The following ANKRD26 variants were observed in gnomAD, a reference collection of about 807,000 sequenced individuals.
The protein encoded by ANKRD26 is ankyrin repeat domain 26.
Under a neutral mutation model 208.7 loss-of-function variants are expected in ANKRD26, and 141 were observed. The ratio of observed to expected loss-of-function variants is 0.68; its 90% CI spans 0.59 to 0.78. The LOEUF (loss-of-function observed/expected upper bound fraction) is 0.78. Ranked by LOEUF, ANKRD26 falls within the 30% of genes least tolerant of loss-of-function variation. The probability of loss-of-function intolerance (pLI) is 0.00; values close to 1 mark genes in which losing one functional copy is unlikely to be tolerated. For synonymous variants in ANKRD26, 636 were observed against 660.4 expected (o/e 0.96, Z 0.57); for missense variants, 1,889 against 1,938.7 (o/e 0.97, Z 0.48).
chr10:27,006,896 T>C (rs1482730693), intron 33 of ANKRD26, 21 bp downstream of exon 33: 1 of 1,574,682 alleles, frequency 6.4e-7, no homozygotes, highest in Non-Finnish European at 8.7e-7. Context: ...TAAATTTAAT[T>C]CATGAAGTTT....
the ANKRD26 span, among the ~76,000 whole-genome samples, chr10:26,949,075 T>G: frequency 6.6e-6 from 1 of 152,170 alleles, no homozygotes. Context: ...GTATTTAGTT[T>G]TATTATGCTC....
At chr10:27,094,007 C>A (rs1428184734) in intron 1 of ANKRD26, among the ~76,000 whole-genome samples, 2 of 152,168 alleles carry the variant, frequency 1.3e-5, no homozygotes, top group African/African-American at 4.8e-5. Flanking sequence ...TGGGAGGTAA[C>A]TGAATCACGA....
rs578129205 is a variant in ANKRD26, at chr10:27,072,045, A to G, written c.1078-4759T>C. On this transcript the variant is annotated intron_variant, in intron 9 of 33. Transcript: ENST00000376087. Reference sequence around the variant, plus strand: ...CTGCCATATCATCTTGAGTGGGGATAACCCCATCGGCCAGAACCACAGGGT... The same window carrying G: ...CTGCCATATCATCTTGAGTGGGGATGACCCCATCGGCCAGAACCACAGGGT... 6.6e-5 allele frequency among the ~76,000 whole-genome samples: 10 copies of G among 152,316 alleles called. No homozygotes were observed. The East Asian group carries it at 1.7e-3, about 27-fold the overall frequency.
At chr10:27,027,652 T>C (rs182921859) in intron 27 of ANKRD26, among the ~76,000 whole-genome samples, 306 of 152,328 alleles carry the variant, frequency 2.0e-3, no homozygotes, top group Admixed American at 1.8e-3. Context: ...TCAAGAGGAC[T>C]TGCACTACTA....
intron 17 of ANKRD26, among the ~76,000 whole-genome samples, chr10:27,048,339 G>A (rs1219360588): frequency 6.6e-6 from 1 of 151,982 alleles, no homozygotes; most frequent in Non-Finnish European, 1.5e-5. Flanking sequence ...TATTTAACAT[G>A]TTATACATAT....
At chr10:27,029,191 T>C in intron 26 of ANKRD26, 95 bp downstream of exon 26, 1 of 1,398,230 alleles carries the variant, frequency 7.2e-7, no homozygotes. Context: ...TTCACACAGA[T>C]GTACTTATGA....
intron 9 of ANKRD26, among the ~76,000 whole-genome samples, chr10:27,069,788 G>A (rs1424308233): frequency 4.0e-5 from 6 of 151,884 alleles, no homozygotes; most frequent in Non-Finnish European, 8.8e-5. Context: ...GACAAAGAGG[G>A]AAAAAAACAT....
chr10:27,046,505 T>C lies in ANKRD26; in HGVS notation c.1833A>G (p.Gln611=). ...KEYASSGPAL[Q]MKEVKSTEKE... ...TTTCAGTGCTCTTTACTTCCTTCAT[T>C]TGCAAGGCAGGACCACTACTTTAAA... is the stretch of plus-strand genomic sequence containing the variant. Residue 611 remains glutamine (Q), a synonymous_variant, in exon 18 of 34, where the codon CAA becomes CAG. Transcript: ENST00000376087. The C allele has an allele frequency of 1.9e-6, 3 of 1,613,786 alleles. No individual in the cohort carries two copies. In the South Asian group the frequency reaches 3.3e-5, roughly 18 times the overall value.
the ANKRD26 span, among the ~76,000 whole-genome samples, chr10:26,966,482 CAGGT>C: frequency 6.8e-4 from 103 of 152,076 alleles, no homozygotes; most frequent in South Asian, 0.021. Flanking sequence ...GGCCTGTTGA[CAGGT>C]AGGGGGTGAG....
intron 1 of ANKRD26, among the ~76,000 whole-genome samples, chr10:27,094,157 C>T (rs943484327): frequency 1.3e-5 from 2 of 152,162 alleles, no homozygotes; most frequent in African/African-American, 2.4e-5. Context: ...TCTCCTTCTG[C>T]CCTTATTGTT....
chr10:26,986,129 T>C (rs1246339033), intron 3 of ANKRD26, among the ~76,000 whole-genome samples: 1 of 152,092 alleles, frequency 6.6e-6, no homozygotes, highest in Non-Finnish European at 1.5e-5. Flanking sequence ...ATGCCATATA[T>C]CTACAACTAT....
At chr10:27,006,811 G>A in intron 33 of ANKRD26, 106 bp downstream of exon 33, 3 of 841,716 alleles carry the variant, frequency 3.6e-6, no homozygotes, top group Non-Finnish European at 6.1e-6. Flanking sequence ...ATTTAATGTA[G>A]TATCTATTAG....
downstream of ANKRD26, among the ~76,000 whole-genome samples, chr10:26,972,108 G>A (rs1359473171): frequency 6.6e-5 from 10 of 151,938 alleles, no homozygotes; most frequent in South Asian, 6.2e-4. Flanking sequence ...GGTGGCGGGC[G>A]CCTGTAGTCC....
the ANKRD26 span, among the ~76,000 whole-genome samples, chr10:26,963,090 A>G: frequency 0.43 from 65,534 of 151,974 alleles, 16,608 homozygotes; most frequent in Non-Finnish European, 0.54. Flanking sequence ...ACAAAGGAAA[A>G]AGGTGACAGA....
intron 12 of ANKRD26, 25 bp downstream of exon 12, chr10:27,063,963 T>C (rs775698342): frequency 2.6e-6 from 4 of 1,564,230 alleles, no homozygotes; most frequent in Non-Finnish European, 3.5e-6. Context: ...CCAATGGCTT[T>C]TTAAAAATGA....
At chr10:27,084,638 C>T (rs1391937808) in intron 5 of ANKRD26, among the ~76,000 whole-genome samples, 4 of 152,014 alleles carry the variant, frequency 2.6e-5, no homozygotes, top group East Asian at 3.9e-4. Context: ...GAGGCCAAGG[C>T]GGGCAGATGT....
At chr10:27,089,477 G>A (rs144906692) in intron 4 of ANKRD26, among the ~76,000 whole-genome samples, 179 of 152,278 alleles carry the variant, frequency 1.2e-3, no homozygotes, top group African/African-American at 3.9e-3. Flanking sequence ...GATTAAGTTC[G>A]TAAAAGTCCT....
At chr10:27,014,895 T>A (rs1020128912) in intron 30 of ANKRD26, among the ~76,000 whole-genome samples, 184 bp from the exon 31 acceptor site, 2 of 152,046 alleles carry the variant, frequency 1.3e-5, no homozygotes, top group Admixed American at 6.5e-5. Flanking sequence ...GAAAAGGGAA[T>A]CCAAATACTT....
chr10:26,993,198 C>T (rs2052520702), intron 5 of ANKRD26, among the ~76,000 whole-genome samples: 1 of 152,174 alleles, frequency 6.6e-6, no homozygotes. Context: ...AATTACTCAT[C>T]CTCGTGCCCA....
Sources: gnomAD v4.1 joint callset for allele counts (sites outside exome capture counted in the v4.1 genomes callset) on GRCh38, gnomAD v4.1.1 for gene constraint, MANE v1.5 for transcripts, NCBI Gene and HGNC (gene_info 2026-07-23, HGNC 2026-07-21) for gene names.